Variants in VSNL1 observed in about 807,000 individuals in gnomAD.
VSNL1 encodes visinin like 1.
In VSNL1, 6 loss-of-function variants were observed where a neutral mutation model predicts 20.4. The ratio of observed to expected loss-of-function variants is 0.29; its 90% confidence interval spans 0.16 to 0.58. The LOEUF is 0.58. VSNL1 is among the 20% of genes least tolerant of loss of function. The pLI is 0.90. For synonymous variants in VSNL1, 93 were observed against 86.4 expected (o/e 1.08, Z -0.42); for missense variants, 100 against 234.5 (o/e 0.43, Z 3.75).
chr2:17,596,496 C>A (rs1486111675), intron 2 of VSNL1, among the ~76,000 whole-genome samples: 1 of 152,146 alleles, frequency 6.6e-6, no homozygotes, highest in Non-Finnish European at 1.5e-5. Context: ...GAAGAGCAAG[C>A]AAGTGTGTAG....
chr2:17,633,807 G>T (rs1215900314), intron 2 of VSNL1, among the ~76,000 whole-genome samples: 1 of 152,152 alleles, frequency 6.6e-6, no homozygotes, highest in Non-Finnish European at 1.5e-5. Flanking sequence ...TTAGGCAGGG[G>T]AGAGAGTTGG....
intron 1 of VSNL1, among the ~76,000 whole-genome samples, chr2:17,550,067 C>A (rs138420124): frequency 6.6e-6 from 1 of 152,002 alleles, no homozygotes; most frequent in African/African-American, 2.4e-5. Flanking sequence ...TTTGTAGTTA[C>A]GAGATATTGT....
intron 1 of VSNL1, among the ~76,000 whole-genome samples, chr2:17,585,303 G>C (rs911805269): frequency 6.6e-6 from 1 of 151,976 alleles, no homozygotes; most frequent in Non-Finnish European, 1.5e-5. Context: ...GCTGCTGGGG[G>C]CTTGTGAGTA....
intron 2 of VSNL1, among the ~76,000 whole-genome samples, chr2:17,611,879 A>T (rs1022421627): frequency 6.6e-6 from 1 of 152,154 alleles, no homozygotes; most frequent in South Asian, 2.1e-4. Context: ...CTGCTAAGGG[A>T]TTTATAGTTT....
At chr2:17,629,003 G>A (rs1453120380) in intron 2 of VSNL1, among the ~76,000 whole-genome samples, 2 of 152,232 alleles carry the variant, frequency 1.3e-5, no homozygotes, top group African/African-American at 4.8e-5. Context: ...GAGAATGCCT[G>A]CCTTCAACAC....
At chr2:17,630,014 C>T (rs1021659987) in intron 2 of VSNL1, among the ~76,000 whole-genome samples, 4 of 151,772 alleles carry the variant, frequency 2.6e-5, no homozygotes, top group East Asian at 1.9e-4. Flanking sequence ...AAGGTGGGCA[C>T]GATAGTGTAG....
At chr2:17,582,736 A>G (rs1028121650) in intron 1 of VSNL1, among the ~76,000 whole-genome samples, 3 of 151,984 alleles carry the variant, frequency 2.0e-5, no homozygotes, top group African/African-American at 7.2e-5. Flanking sequence ...TTTGCATAGT[A>G]TGTTGAGTTT....
chr2:17,633,592 G>A (rs1490120763), intron 2 of VSNL1, among the ~76,000 whole-genome samples: 4 of 152,056 alleles, frequency 2.6e-5, no homozygotes. Context: ...CACCTATCGA[G>A]TTAGTCAGGA....
chr2:17,570,408 A>G (rs965811820), intron 1 of VSNL1, among the ~76,000 whole-genome samples: 49 of 152,308 alleles, frequency 3.2e-4, no homozygotes, highest in African/African-American at 1.1e-3. Context: ...TTAATGAGCT[A>G]TTTAGGCCCA....
At position 17,562,870 on chromosome 2, in the gene VSNL1, C is replaced by T. The variant is rs138045449; in HGVS notation, c.-6+21952C>T. Among the ~76,000 whole-genome samples the T allele has an allele frequency of 3.7e-3, 564 of 152,260 alleles. 2 individuals are homozygous for T. The highest frequency in any genetic ancestry group is 6.8e-3 in the Middle Eastern group (2 of 294). ...GTGCCATCTGTCTTCCATTCCAAAT[C>T]CATGAAGGGGCAAGGCTGATTATTT... On this transcript the variant is annotated intron_variant, in intron 1 of 3. Transcript: ENST00000295156.
intron 1 of VSNL1, among the ~76,000 whole-genome samples, chr2:17,562,348 G>T (rs1378829504): frequency 6.6e-6 from 1 of 152,096 alleles, no homozygotes; most frequent in Non-Finnish European, 1.5e-5. Flanking sequence ...GCAATAATTT[G>T]TTGGATTCCC....
intron 1 of VSNL1, among the ~76,000 whole-genome samples, chr2:17,549,435 A>G (rs1188040341): frequency 6.6e-6 from 1 of 152,228 alleles, no homozygotes; most frequent in Non-Finnish European, 1.5e-5. Flanking sequence ...TGTTCAATGT[A>G]CTGTAATAGA....
At chr2:17,628,972 T>C (rs1665573147) in intron 2 of VSNL1, among the ~76,000 whole-genome samples, 2 of 152,202 alleles carry the variant, frequency 1.3e-5, no homozygotes, top group African/African-American at 4.8e-5. Context: ...GCTTCAAAAC[T>C]CCTCACTCTA....
At chr2:17,600,823 G>A (rs1664805098) in intron 2 of VSNL1, among the ~76,000 whole-genome samples, 1 of 152,184 alleles carries the variant, frequency 6.6e-6, no homozygotes, top group Non-Finnish European at 1.5e-5. Context: ...TAATGGGGAA[G>A]ACAAGAGCTG....
At chr2:17,604,054 G>C (rs1664890733) in intron 2 of VSNL1, among the ~76,000 whole-genome samples, 1 of 152,180 alleles carries the variant, frequency 6.6e-6, no homozygotes, top group South Asian at 2.1e-4. Context: ...TTCAAAACTG[G>C]CAACTGCAGC....
chr2:17,644,983 G>A (rs1665961840), intron 2 of VSNL1, among the ~76,000 whole-genome samples: 1 of 152,232 alleles, frequency 6.6e-6, no homozygotes, highest in Non-Finnish European at 1.5e-5. Flanking sequence ...CCCAAGTGAG[G>A]GTGTTTTAAA....
In VSNL1 at chr2:17,656,384, G is replaced by C. The variant is rs952952880; in HGVS notation, c.*990G>C. 1.3e-5 allele frequency: 2 copies of C among 151,962 alleles called. No homozygotes were observed. Among genetic ancestry groups the C allele is most frequent in the African/African-American group, 4.8e-5 (2 of 41,350 alleles). The allele number at this position is 151,962 out of a possible 1,614,324, so 9.4% of individuals were successfully genotyped here. On this transcript the variant is annotated 3_prime_UTR_variant, in exon 4 of 4. Coordinates refer to ENST00000295156, the MANE Select transcript of VSNL1 (RefSeq NM_003385.5). ...GGCATGTGAAAAGTAAAACAGATTT[G>C]TTCATTCCGAAAAAAAAATGTTCAT...
At chr2:17,580,203 T>C (rs1295844621) in intron 1 of VSNL1, among the ~76,000 whole-genome samples, 1 of 152,166 alleles carries the variant, frequency 6.6e-6, no homozygotes, top group East Asian at 1.9e-4. Context: ...CTTCCATAGA[T>C]CACCACTTCT....
chr2:17,584,084 C>T (rs1206449194), intron 1 of VSNL1, among the ~76,000 whole-genome samples: 2 of 152,136 alleles, frequency 1.3e-5, no homozygotes, highest in Non-Finnish European at 2.9e-5. Context: ...GATTGGGGTT[C>T]CAGTGGGCTA....
Sources: gnomAD v4.1 joint callset for allele counts (sites outside exome capture counted in the v4.1 genomes callset) on GRCh38, gnomAD v4.1.1 for gene constraint, MANE v1.5 for transcripts, NCBI Gene and HGNC (gene_info 2026-07-23, HGNC 2026-07-21) for gene names.